The following AGBL4 variants were observed in gnomAD, a reference collection of about 807,000 sequenced individuals.
The protein encoded by AGBL4 is AGBL carboxypeptidase 4.
Under a neutral mutation model 66.4 loss-of-function variants are expected in AGBL4, and 58 were observed. The observed-to-expected ratio is 0.87, with a 90% confidence interval of 0.71 to 1.09. The LOEUF (loss-of-function observed/expected upper bound fraction) is 1.09, where lower values mean the gene tolerates loss of function less well. AGBL4 is among the 50% of genes least tolerant of loss of function. The pLI, the probability that AGBL4 is intolerant of heterozygous loss-of-function variation, is 0.00. For missense variants in AGBL4, 579 were observed against 631.0 expected (o/e 0.92, Z 0.88); for synonymous variants, 234 against 222.9 (o/e 1.05, Z -0.44).
chr1:49,167,499 C>A (rs1294629768), intron 4 of AGBL4, among the ~76,000 whole-genome samples: 2 of 152,298 alleles, frequency 1.3e-5, no homozygotes, highest in Non-Finnish European at 2.9e-5. Context: ...CATGAATGGA[C>A]CAGGCACCTG....
At chr1:48,781,683 T>C (rs1191470654) in intron 6 of AGBL4, among the ~76,000 whole-genome samples, 1 of 152,216 alleles carries the variant, frequency 6.6e-6, no homozygotes, top group Non-Finnish European at 1.5e-5. Flanking sequence ...CCCTTAACTT[T>C]TATACATTAC....
intron 4 of AGBL4, chr1:49,175,209 A>G (rs573971034): frequency 1.3e-5 from 2 of 151,904 alleles, no homozygotes; most frequent in Non-Finnish European, 2.9e-5. Context: ...TTATAAAAAT[A>G]AATCATGAAC....
intron 5 of AGBL4, among the ~76,000 whole-genome samples, chr1:48,926,407 G>A (rs1047983168): frequency 2.6e-5 from 4 of 151,690 alleles, no homozygotes; most frequent in Non-Finnish European, 4.4e-5. Context: ...AGCCTCCCGA[G>A]TAGCTGGGAT....
intron 3 of AGBL4, among the ~76,000 whole-genome samples, chr1:49,255,561 G>A (rs1652417584): frequency 6.6e-6 from 1 of 152,162 alleles, no homozygotes; most frequent in African/African-American, 2.4e-5. Flanking sequence ...TACACTGTTG[G>A]TGGGAGTATA....
At chr1:49,202,243 T>G (rs1409280904) in intron 4 of AGBL4, among the ~76,000 whole-genome samples, 8 of 152,194 alleles carry the variant, frequency 5.3e-5, no homozygotes. Flanking sequence ...AATTCATTCA[T>G]TATTCCAGGA....
At chr1:49,257,067 C>G (rs879014233) in intron 3 of AGBL4, among the ~76,000 whole-genome samples, 1 of 146,940 alleles carries the variant, frequency 6.8e-6, no homozygotes, top group African/African-American at 2.5e-5. Context: ...AGCACAGAAG[C>G]ATTAATTATG....
At chr1:49,437,842 G>A (rs1333817475) in intron 3 of AGBL4, among the ~76,000 whole-genome samples, 1 of 150,226 alleles carries the variant, frequency 6.7e-6, no homozygotes, top group Non-Finnish European at 1.5e-5. Flanking sequence ...TCTCCAAAAC[G>A]GCCTGACAGA....
chr1:48,707,946 G>T (rs985513432), intron 6 of AGBL4, among the ~76,000 whole-genome samples: 1 of 152,158 alleles, frequency 6.6e-6, no homozygotes, highest in Admixed American at 6.5e-5. Context: ...GGGCAGGGGA[G>T]GAAAAGAACA....
chr1:48,931,816 C>A (rs975641338), intron 5 of AGBL4, among the ~76,000 whole-genome samples: 8 of 152,264 alleles, frequency 5.3e-5, no homozygotes, highest in African/African-American at 1.9e-4. Flanking sequence ...GCCTCTGTGG[C>A]ATTTTTTTCT....
rs1472672768 is a variant in AGBL4 at position 49,559,257 on chromosome 1, G to A, written c.282+138056C>T. Among the ~76,000 whole-genome samples the A allele has an allele frequency of 2.0e-5, 3 of 152,050 alleles. No homozygotes were observed. The East Asian group carries it at 5.8e-4, about 29-fold the overall frequency. On this transcript the variant is annotated intron_variant, in intron 3 of 13. Transcript: ENST00000371839. The stretch of plus-strand genomic sequence containing the variant: ...TACGGTTTCTTTTGAGGAATGTAAG[G>A]GAAAATAATAGGAATCTCTCCCTAG...
At chr1:49,654,109 G>C (rs926473034) in intron 3 of AGBL4, among the ~76,000 whole-genome samples, 54 of 152,134 alleles carry the variant, frequency 3.5e-4, no homozygotes, top group African/African-American at 1.3e-3. Flanking sequence ...AAATCCAACA[G>C]ACTAACAGCA....
intron 3 of AGBL4, among the ~76,000 whole-genome samples, chr1:49,286,010 CA>C (rs1368386694): frequency 6.6e-6 from 1 of 152,154 alleles, no homozygotes; most frequent in Non-Finnish European, 1.5e-5. Flanking sequence ...AAAGCTTATC[CA>C]CCATGATCAA....
intron 2 of AGBL4, among the ~76,000 whole-genome samples, chr1:49,771,053 A>G (rs1488656078): frequency 6.6e-6 from 1 of 150,858 alleles, no homozygotes; most frequent in African/African-American, 2.4e-5. Context: ...TTTTGGGTTG[A>G]TTGTTCTTGT....
intron 1 of AGBL4, among the ~76,000 whole-genome samples, chr1:49,978,754 A>C (rs2148379538): frequency 6.6e-6 from 1 of 152,350 alleles, no homozygotes; most frequent in East Asian, 1.9e-4. Context: ...GCATGGGTAA[A>C]GGAATAGAAG....
intron 11 of AGBL4, among the ~76,000 whole-genome samples, chr1:48,552,296 T>A (rs1193561448): frequency 6.6e-6 from 1 of 152,144 alleles, no homozygotes; most frequent in Non-Finnish European, 1.5e-5. Flanking sequence ...ACTCCTGACC[T>A]TATGATCCGC....
intron 2 of AGBL4, among the ~76,000 whole-genome samples, chr1:49,700,298 A>ATAG (rs1647063983): frequency 1.4e-5 from 2 of 146,368 alleles, no homozygotes; most frequent in South Asian, 4.5e-4. Flanking sequence ...AAAAACATTA[A>ATAG]ATAGATAGAT....
intron 6 of AGBL4, among the ~76,000 whole-genome samples, chr1:48,714,160 C>T (rs1006905667): frequency 5.3e-5 from 8 of 152,184 alleles, no homozygotes; most frequent in African/African-American, 1.4e-4. Context: ...ACCTGTCTTA[C>T]TTTGAGAGAC....
chr1:48,808,351 T>C (rs1453344552), intron 6 of AGBL4, among the ~76,000 whole-genome samples: 1 of 152,188 alleles, frequency 6.6e-6, no homozygotes, highest in Admixed American at 6.5e-5. Context: ...ACCTGCAAGA[T>C]AGATATTAGT....
At chr1:48,816,661 T>C (rs1646185628) in intron 6 of AGBL4, among the ~76,000 whole-genome samples, 1 of 152,212 alleles carries the variant, frequency 6.6e-6, no homozygotes, top group African/African-American at 2.4e-5. Flanking sequence ...AAACCTCTGG[T>C]ACCCTCTGAA....
Sources: allele counts gnomAD v4.1 joint callset (sites outside exome capture counted in the v4.1 genomes callset), GRCh38; gene constraint gnomAD v4.1.1; transcripts MANE v1.5; gene names NCBI Gene and HGNC (gene_info 2026-07-23, HGNC 2026-07-21).